Variants in CDH18 observed in about 807,000 individuals in gnomAD.
The protein encoded by CDH18 is cadherin 18.
In CDH18, 31 loss-of-function variants were observed where a neutral mutation model predicts 67.9. The observed-to-expected ratio is 0.46, with a 90% CI of 0.34 to 0.62. CDH18 has a LOEUF of 0.62. Ranked by LOEUF, CDH18 falls within the 20% of genes least tolerant of loss-of-function variation. The pLI, the probability that CDH18 is intolerant of heterozygous loss-of-function variation, is 0.01. For synonymous variants in CDH18, 362 were observed against 347.2 expected, an observed-to-expected ratio of 1.04 and a Z score of -0.48; for missense variants, 890 against 975.5, an observed-to-expected ratio of 0.91 and a Z score of 1.17.
chr5:20,234,835 A>C (rs1039577613), intron 2 of CDH18, among the ~76,000 whole-genome samples: 1 of 152,158 alleles, frequency 6.6e-6, no homozygotes, highest in Non-Finnish European at 1.5e-5. Flanking sequence ...AAACACAGAC[A>C]GAAAGGTTCC....
intron 10 of CDH18, among the ~76,000 whole-genome samples, chr5:19,515,194 C>T (rs770141724): frequency 2.0e-5 from 3 of 152,088 alleles, no homozygotes; most frequent in East Asian, 3.9e-4. Context: ...TGTTCTGTTC[C>T]ATTGGTCTAT....
intron 2 of CDH18, among the ~76,000 whole-genome samples, chr5:20,095,435 GAAAGAAAGA>G (rs1351368210): frequency 5.9e-5 from 7 of 118,384 alleles, no homozygotes; most frequent in East Asian, 2.8e-4. Context: ...AAGAAAGAAA[GAAAGAAAGA>G]AAAGAAAGAA....
chr5:19,789,115 G>A (rs1389927915), intron 3 of CDH18, among the ~76,000 whole-genome samples: 2 of 152,138 alleles, frequency 1.3e-5, no homozygotes, highest in Non-Finnish European at 2.9e-5. Context: ...AATGATGATT[G>A]TTCTTTCCCC....
chr5:19,850,582 T>C (rs546261136), intron 2 of CDH18, among the ~76,000 whole-genome samples: 1 of 151,818 alleles, frequency 6.6e-6, no homozygotes, highest in Non-Finnish European at 1.5e-5. Context: ...ACAACTTCCA[T>C]ATAGTGAAGT....
chr5:20,277,931 T>A (rs995491994), intron 1 of CDH18, among the ~76,000 whole-genome samples: 1 of 152,086 alleles, frequency 6.6e-6, no homozygotes, highest in East Asian at 1.9e-4. Flanking sequence ...AAAGAATAAG[T>A]GAGCTTGAAG....
At chr5:20,315,031 T>C (rs1737340076) in intron 1 of CDH18, among the ~76,000 whole-genome samples, 2 of 152,048 alleles carry the variant, frequency 1.3e-5, no homozygotes, top group East Asian at 3.9e-4. Context: ...AAGAATAGAG[T>C]TTTATAAACA....
intron 3 of CDH18, among the ~76,000 whole-genome samples, chr5:19,786,402 T>A (rs1775774848): frequency 6.6e-6 from 1 of 152,150 alleles, no homozygotes; most frequent in South Asian, 2.1e-4. Flanking sequence ...TTTAGAGAAA[T>A]AAAGTAATTG....
chr5:19,489,570 C>T lies in CDH18; in HGVS notation c.1631-6018G>A, dbSNP rs114229608. Among the ~76,000 whole-genome samples the T allele has an allele frequency of 8.5e-3, 1,292 of 152,152 alleles. 20 individuals carry two copies. The highest frequency in any genetic ancestry group is 0.03 in the African/African-American group (1,236 of 41,504). On this transcript the variant is annotated intron_variant, in intron 11 of 12. Coordinates refer to ENST00000382275, the MANE Select transcript of CDH18 (RefSeq NM_004934.5). ...CCAATATTTGTTCTTTTATCAGATG[C>T]TACACAGTAGCTCTTCTAAGTTTCT...
At chr5:19,877,531 G>C (rs1787162716) in intron 2 of CDH18, among the ~76,000 whole-genome samples, 1 of 152,284 alleles carries the variant, frequency 6.6e-6, no homozygotes, top group South Asian at 2.1e-4. Context: ...AAAGAATTCA[G>C]TGTAGCTATT....
chr5:19,716,549 T>C (rs1246462004), intron 5 of CDH18, among the ~76,000 whole-genome samples: 2 of 152,052 alleles, frequency 1.3e-5, no homozygotes, highest in African/African-American at 2.4e-5. Flanking sequence ...TTATTAGGTG[T>C]AGGGAATTTT....
At chr5:20,270,353 G>T (rs1313173422) in intron 1 of CDH18, among the ~76,000 whole-genome samples, 2 of 152,190 alleles carry the variant, frequency 1.3e-5, no homozygotes, top group East Asian at 1.9e-4. Context: ...AAGATGTTAA[G>T]GAATGAATGG....
intron 2 of CDH18, among the ~76,000 whole-genome samples, chr5:20,087,804 T>C (rs908557224): frequency 6.6e-6 from 1 of 152,216 alleles, no homozygotes; most frequent in Non-Finnish European, 1.5e-5. Context: ...GTTTGTGATG[T>C]TCTCTTTGTT....
At chr5:20,147,488 T>G (rs111416303) in intron 2 of CDH18, among the ~76,000 whole-genome samples, 2 of 152,106 alleles carry the variant, frequency 1.3e-5, no homozygotes, top group Non-Finnish European at 2.9e-5. Context: ...AATTAAAATC[T>G]TTTAATTTCT....
intron 1 of CDH18, among the ~76,000 whole-genome samples, chr5:20,527,268 GA>G (rs1417544545): frequency 1.3e-5 from 2 of 152,016 alleles, no homozygotes; most frequent in African/African-American, 4.8e-5. Flanking sequence ...TATGTAAAAA[GA>G]CTGAATCTGT....
intron 4 of CDH18, among the ~76,000 whole-genome samples, chr5:19,742,727 T>C (rs894618401): frequency 1.5e-4 from 22 of 150,564 alleles, no homozygotes; most frequent in African/African-American, 5.5e-4. Context: ...GCACATAAAG[T>C]GCATTTACTC....
At chr5:20,413,764 C>T (rs1253690852) in intron 1 of CDH18, among the ~76,000 whole-genome samples, 1 of 152,086 alleles carries the variant, frequency 6.6e-6, no homozygotes, top group Non-Finnish European at 1.5e-5. Context: ...CTGTAGGTTG[C>T]CTGTTCACTC....
intron 2 of CDH18, among the ~76,000 whole-genome samples, chr5:19,865,287 C>T: frequency 6.6e-6 from 1 of 151,982 alleles, no homozygotes. Context: ...ATAAGTACCT[C>T]AATTTTGTGA....
At chr5:20,439,617 T>C (rs1192181325) in intron 1 of CDH18, among the ~76,000 whole-genome samples, 1 of 151,780 alleles carries the variant, frequency 6.6e-6, no homozygotes, top group Non-Finnish European at 1.5e-5. Flanking sequence ...AATCTGAAAA[T>C]ACTGTAATAG....
chr5:19,877,210 C>T (rs1787110069), intron 2 of CDH18, among the ~76,000 whole-genome samples: 1 of 151,676 alleles, frequency 6.6e-6, no homozygotes, highest in Non-Finnish European at 1.5e-5. Flanking sequence ...TAAAAACTTT[C>T]AAACTGTAAA....
Sources: gnomAD v4.1 joint callset for allele counts (sites outside exome capture counted in the v4.1 genomes callset) on GRCh38, gnomAD v4.1.1 for gene constraint, MANE v1.5 for transcripts, NCBI Gene and HGNC (gene_info 2026-07-23, HGNC 2026-07-21) for gene names.